THSD7A: variants seen among roughly 807,000 people sequenced by gnomAD.
THSD7A encodes thrombospondin type-1 domain-containing protein 7A.
THSD7A carries 96 observed loss-of-function variants against 231.3 expected under a neutral mutation model. The observed-to-expected ratio is 0.41, with a 90% CI of 0.35 to 0.49. THSD7A has a LOEUF of 0.49. Among genes scored for constraint, THSD7A ranks in the 20% least tolerant of loss-of-function variants. THSD7A has a pLI of 0.05. For missense variants in THSD7A, 2,290 were observed against 2,070.2 expected (o/e 1.11, Z -2.06); for synonymous variants, 940 against 743.3 (o/e 1.26, Z -4.30).
At chr7:11,615,666 G>C (rs977901456) in intron 2 of THSD7A, among the ~76,000 whole-genome samples, 2 of 152,018 alleles carry the variant, frequency 1.3e-5, no homozygotes, top group Non-Finnish European at 2.9e-5. Flanking sequence ...CAGCTTTTTT[G>C]CTCAATCCCT....
At chr7:11,413,043 C>G (rs1285604753) in intron 17 of THSD7A, among the ~76,000 whole-genome samples, 1 of 151,980 alleles carries the variant, frequency 6.6e-6, no homozygotes, top group East Asian at 1.9e-4. Context: ...CACCTCACAC[C>G]TATACACAGC....
chr7:11,405,448 A>C (rs979797842), intron 22 of THSD7A, among the ~76,000 whole-genome samples: 4 of 152,214 alleles, frequency 2.6e-5, no homozygotes, highest in South Asian at 4.1e-4. Context: ...GAGAATACAA[A>C]TTTTCCACTT....
chr7:11,592,395 A>G (rs1780200950), intron 3 of THSD7A, among the ~76,000 whole-genome samples: 1 of 152,246 alleles, frequency 6.6e-6, no homozygotes, highest in Admixed American at 6.5e-5. Flanking sequence ...AAGTTCACAC[A>G]TCTCTATTGA....
chr7:11,711,682 C>A lies in THSD7A; in HGVS notation c.191-74721G>T, dbSNP rs144167573. Among the ~76,000 whole-genome samples, 675 of 151,208 alleles carry A rather than the reference C, an allele frequency of 4.5e-3. 5 individuals are homozygous for A. The highest frequency in any genetic ancestry group is 0.016 in the African/African-American group (650 of 41,438). ...CTAGGGGAAAAATTTCAACTGGTTACTTCCCAGTGAGAACTGGCAGAAGTA... is the reference window on the plus strand; with the variant it reads ...CTAGGGGAAAAATTTCAACTGGTTAATTCCCAGTGAGAACTGGCAGAAGTA... On this transcript the variant is annotated intron_variant, in intron 1 of 27. Transcript: ENST00000423059.
intron 1 of THSD7A, among the ~76,000 whole-genome samples, chr7:11,664,320 C>G (rs967616574): frequency 1.5e-4 from 23 of 151,862 alleles, no homozygotes; most frequent in South Asian, 6.2e-4. Context: ...TGGGAGTAGA[C>G]TTGGTACTAG....
At chr7:11,426,760 G>T in intron 14 of THSD7A, 89 bp from the exon 15 acceptor site, 1 of 1,359,982 alleles carries the variant, frequency 7.4e-7, no homozygotes, top group Non-Finnish European at 9.9e-7. Flanking sequence ...CACATGGTAA[G>T]TTTCAAGTAT....
intron 1 of THSD7A, among the ~76,000 whole-genome samples, chr7:11,776,968 A>T (rs920128520): frequency 6.6e-5 from 10 of 152,212 alleles, no homozygotes; most frequent in African/African-American, 2.2e-4. Flanking sequence ...CATCAACTGT[A>T]ACCATTGTAC....
intron 6 of THSD7A, among the ~76,000 whole-genome samples, chr7:11,514,004 C>A (rs969382646): frequency 6.6e-6 from 1 of 151,878 alleles, no homozygotes; most frequent in Non-Finnish European, 1.5e-5. Flanking sequence ...CCTGCCATTT[C>A]TCAAACATGC....
chr7:11,452,505 A>G (rs996334534), intron 11 of THSD7A, among the ~76,000 whole-genome samples: 4 of 152,036 alleles, frequency 2.6e-5, no homozygotes, highest in African/African-American at 7.2e-5. Context: ...ATAGTTACCA[A>G]TGATCCCCAG....
At chr7:11,719,707 TCTTTAA>T (rs1781279576) in intron 1 of THSD7A, among the ~76,000 whole-genome samples, 1 of 151,652 alleles carries the variant, frequency 6.6e-6, no homozygotes, top group African/African-American at 2.4e-5. Flanking sequence ...CATAATAAAA[TCTTTAA>T]CTTCAAAACT....
At chr7:11,440,079 C>T (rs962280896) in intron 13 of THSD7A, among the ~76,000 whole-genome samples, 11 of 151,878 alleles carry the variant, frequency 7.2e-5, no homozygotes, top group African/African-American at 2.7e-4. Context: ...GCCCATTTAC[C>T]ATTCTGAAAA....
intron 2 of THSD7A, among the ~76,000 whole-genome samples, chr7:11,607,318 T>G (rs1247612928): frequency 6.6e-6 from 1 of 152,136 alleles, no homozygotes; most frequent in African/African-American, 2.4e-5. Flanking sequence ...ATGACTGCTG[T>G]GCTCATAGTC....
intron 1 of THSD7A, among the ~76,000 whole-genome samples, chr7:11,675,302 C>T (rs1783592618): frequency 6.6e-6 from 1 of 152,132 alleles, no homozygotes; most frequent in Non-Finnish European, 1.5e-5. Context: ...GATGCCTATA[C>T]CACAAGGGCC....
intron 11 of THSD7A, among the ~76,000 whole-genome samples, chr7:11,449,113 AC>A (rs1785065585): frequency 6.6e-6 from 1 of 152,128 alleles, no homozygotes; most frequent in Admixed American, 6.6e-5. Flanking sequence ...TTTGGAAAAT[AC>A]CTATGCCCTT....
At chr7:11,701,209 T>C (rs1268194280) in intron 1 of THSD7A, among the ~76,000 whole-genome samples, 1 of 151,080 alleles carries the variant, frequency 6.6e-6, no homozygotes, top group African/African-American at 2.4e-5. Context: ...ATGAGGGATG[T>C]TGCACACCAA....
intron 6 of THSD7A, among the ~76,000 whole-genome samples, chr7:11,519,185 A>G (rs1265001533): frequency 1.3e-5 from 2 of 152,154 alleles, no homozygotes; most frequent in East Asian, 3.9e-4. Flanking sequence ...TTCAGTTATT[A>G]TCACAAAGCA....
intron 13 of THSD7A, among the ~76,000 whole-genome samples, chr7:11,441,147 T>C (rs1000661955): frequency 6.6e-6 from 1 of 152,098 alleles, no homozygotes; most frequent in Non-Finnish European, 1.5e-5. Flanking sequence ...ACTACTGTTC[T>C]AGGTACTTAG....
chr7:11,820,099 A>G (rs750482520), intron 1 of THSD7A, among the ~76,000 whole-genome samples: 1 of 146,300 alleles, frequency 6.8e-6, no homozygotes, highest in Non-Finnish European at 1.5e-5. Context: ...TGTTCCGCTC[A>G]AGAGCTGGGC....
chr7:11,542,475 T>A (rs1352001274), intron 5 of THSD7A, among the ~76,000 whole-genome samples: 1 of 152,212 alleles, frequency 6.6e-6, no homozygotes, highest in African/African-American at 2.4e-5. Flanking sequence ...GTTTTTACAT[T>A]TTTTTCTTCA....
Sources: allele counts gnomAD v4.1 joint callset (sites outside exome capture counted in the v4.1 genomes callset), GRCh38; gene constraint gnomAD v4.1.1; transcripts MANE v1.5; gene names NCBI Gene and HGNC (gene_info 2026-07-23, HGNC 2026-07-21).